Variants in CNKSR1 observed in about 807,000 individuals in gnomAD.
CNKSR1 encodes the protein connector enhancer of kinase suppressor of Ras 1, also known as CNK homolog protein 1.
CNKSR1 carries 88 observed loss-of-function variants against 95.6 expected under a neutral mutation model. The observed-to-expected ratio is 0.92, with a 90% CI of 0.78 to 1.10. The LOEUF (loss-of-function observed/expected upper bound fraction) is 1.10. Among genes scored for constraint, CNKSR1 ranks in the 50% least tolerant of loss-of-function variants. The pLI is 0.00. For missense variants in CNKSR1, 836 were observed against 912.0 expected, an observed-to-expected ratio of 0.92 and a Z score of 1.07; for synonymous variants, 355 against 369.7, an observed-to-expected ratio of 0.96 and a Z score of 0.46.
chr1:26,184,973 T>A (rs1222277716), intron 13 of CNKSR1, 41 bp from the exon 14 acceptor site: 1 of 1,550,206 alleles, frequency 6.5e-7, no homozygotes, highest in Non-Finnish European at 8.7e-7. Flanking sequence ...GGGGGCACCT[T>A]GCCAGCCCCT....
At chr1:26,180,350 T>C in intron 1 of CNKSR1, 103 bp from the exon 2 acceptor site, 1 of 1,418,346 alleles carries the variant, frequency 7.1e-7, no homozygotes, top group Non-Finnish European at 9.9e-7. Flanking sequence ...AGAGTTGTCA[T>C]TAGGGTTAGA....
intron 12 of CNKSR1, 25 bp downstream of exon 12, chr1:26,184,532 G>T (rs368701597): frequency 9.3e-6 from 15 of 1,607,052 alleles, no homozygotes; most frequent in Non-Finnish European, 1.3e-5. Context: ...TTAGCAAGGG[G>T]GTGGGTGGGT....
chr1:26,183,993 C>T (rs1428177033), intron 9 of CNKSR1, 78 bp from the exon 10 acceptor site: 8 of 813,544 alleles, frequency 9.8e-6, no homozygotes, highest in Non-Finnish European at 1.5e-5. Flanking sequence ...CCTGCTCCTG[C>T]TGCTCCCCTA....
rs998539525 is a variant in CNKSR1 at position 26,188,467 on chromosome 1, G to A, written c.1554G>A (p.Glu518=). The stretch of plus-strand genomic sequence containing the variant: ...ACTGCTACAGTGAGACCGAAGCAGA[G>A]GACCCGGACGATGAGGCTGGGTCCC... ...EEDCYSETEA[E]DPDDEAGSHS... is the part of the protein sequence containing the mutation. The change falls in exon 18 of 21, where the codon GAG becomes GAA. Residue 518 remains glutamate, a synonymous_variant. Transcript: ENST00000361530. The A allele has an allele frequency of 6.2e-7, 1 of 1,605,412 alleles. No homozygotes were observed. The highest frequency in any genetic ancestry group is 1.3e-5 in the African/African-American group (1 of 74,802).
At position 26,187,159 on chromosome 1, in the gene CNKSR1, T is replaced by TC; in HGVS notation, c.1309-3dup. On this transcript the variant is annotated splice_polypyrimidine_tract_variant and intron_variant, in intron 14 of 20. Transcript: ENST00000361530. ...TTCCAACCTGACCCTCATGCTGTGA[T>TC]CCCCCCAGGATGAGAAGGCTGAGGG... 6.2e-7 allele frequency: 1 copy of TC among 1,611,412 alleles called. No homozygotes were observed. Among genetic ancestry groups the TC allele is most frequent in the Non-Finnish European group, 8.5e-7 (1 of 1,177,808 alleles).
intron 1 of CNKSR1, among the ~76,000 whole-genome samples, chr1:26,177,991 G>A (rs2088589656): frequency 6.6e-6 from 1 of 151,952 alleles, no homozygotes; most frequent in Admixed American, 6.6e-5. Flanking sequence ...ATAATAAACT[G>A]CGGGCTCTAT....
chr1:26,188,699 T>TG lies in CNKSR1; in HGVS notation c.1690+3dup. On this transcript the variant is annotated splice_region_variant and intron_variant, in intron 19 of 20. Transcript: ENST00000361530. Reference sequence around the variant, plus strand: ...GGACCTCCTTTGGCTCTCTGACAGGTGCTGGGCTGGAGTTGGGAGCTGGGC... The same window carrying TG: ...GGACCTCCTTTGGCTCTCTGACAGGTGGCTGGGCTGGAGTTGGGAGCTGGGC... The TG allele has an allele frequency of 6.2e-7, 1 of 1,613,306 alleles. No individual in the cohort carries two copies.
chr1:26,189,011 T>C, intron 20 of CNKSR1, 58 bp downstream of exon 20: 1 of 1,588,074 alleles, frequency 6.3e-7, no homozygotes, highest in East Asian at 2.3e-5. Context: ...CAGGCTTTGG[T>C]TTGCGGCTGT....
chr1:26,177,679 GAA>G (rs1234823017), intron 1 of CNKSR1, 80 bp downstream of exon 1: 1 of 1,551,848 alleles, frequency 6.4e-7, no homozygotes, highest in East Asian at 2.3e-5. Context: ...AGAGGAAAAG[GAA>G]AAAAAATCTG....
Position 26,189,632 on chromosome 1 carries a change from C to T in CNKSR1, c.*84C>T, listed in dbSNP as rs938793290. The T allele has an allele frequency of 2.5e-6, 2 of 812,482 alleles. No homozygotes were observed. The highest frequency in any genetic ancestry group is 4.5e-6 in the Non-Finnish European group (2 of 447,128). The allele number at this position is 812,482 out of a possible 1,614,324, so 50.3% of individuals were successfully genotyped here. ...CTGACGTGTCCAGGACAGAGCATCC[C>T]TGGATTCTGTTCAGGGTGGGAAGTA... On this transcript the variant is annotated 3_prime_UTR_variant, in exon 21 of 21. Transcript: ENST00000361530.
At chr1:26,185,280 C>A in intron 14 of CNKSR1, 94 bp downstream of exon 14, 1 of 1,352,242 alleles carries the variant, frequency 7.4e-7, no homozygotes, top group Non-Finnish European at 1.0e-6. Flanking sequence ...ATTCCTGGTC[C>A]AAGGCTTTGA....
chr1:26,189,809 A>G lies in CNKSR1; in HGVS notation c.*261A>G. On this transcript the variant is annotated 3_prime_UTR_variant, in exon 21 of 21. Transcript: ENST00000361530. ...CCAGTTCCTTGGCAGTTCTCCCCCA[A>G]ACCAGGTCTGTACAGGTGTTCTTTA... The G allele has an allele frequency of 1.4e-6, 1 of 690,060 alleles. No homozygotes were observed. Among genetic ancestry groups the G allele is most frequent in the East Asian group, 2.7e-5 (1 of 36,600 alleles). 42.7% of individuals were successfully genotyped at this position (690,060 alleles called of 1,614,324 possible). A position where few individuals can be genotyped will look rare whatever the true frequency, so the allele number is the denominator to read the frequency against.
chr1:26,182,670 C>G lies in CNKSR1; in HGVS notation c.624+86C>G, dbSNP rs893397559. ...AATAGGGTCCAGGATCCCACAGAAC[C>G]CTGTGCTGCCATGGCTGGAAAGCCT... On this transcript the variant is annotated intron_variant, in intron 6 of 20. Transcript: ENST00000361530. The G allele has an allele frequency of 8.3e-6, 10 of 1,200,288 alleles. No individual in the cohort carries two copies. In the Admixed American group the frequency reaches 1.8e-4, roughly 21 times the overall value. 74.4% of individuals were successfully genotyped at this position (1,200,288 alleles called of 1,614,324 possible).
intron 1 of CNKSR1, 28 bp from the exon 2 acceptor site, chr1:26,180,425 C>T (rs1321245530): frequency 4.3e-6 from 7 of 1,613,058 alleles, no homozygotes; most frequent in Non-Finnish European, 1.7e-6. Context: ...CCTCTGCTTC[C>T]CCGAGCTGAG....
At chr1:26,187,319 T>C in intron 15 of CNKSR1, 78 bp downstream of exon 15, 1 of 1,588,252 alleles carries the variant, frequency 6.3e-7, no homozygotes, top group Non-Finnish European at 8.6e-7. Flanking sequence ...CAGTGGGAGG[T>C]GTGGCAAGTG....
rs1402718457 is a variant in CNKSR1 at position 26,189,627 on chromosome 1, C to T, written c.*79C>T. The T allele has an allele frequency of 1.2e-6, 1 of 817,418 alleles. No homozygotes were observed. The highest frequency in any genetic ancestry group is 2.2e-6 in the Non-Finnish European group (1 of 451,602). The allele number at this position is 817,418 out of a possible 1,614,324, so 50.6% of individuals were successfully genotyped here. ...AGCTTCTGACGTGTCCAGGACAGAGCATCCCTGGATTCTGTTCAGGGTGGG... is the reference window on the plus strand; with the variant it reads ...AGCTTCTGACGTGTCCAGGACAGAGTATCCCTGGATTCTGTTCAGGGTGGG... On this transcript the variant is annotated 3_prime_UTR_variant, in exon 21 of 21. Transcript: ENST00000361530.
intron 6 of CNKSR1, among the ~76,000 whole-genome samples, chr1:26,182,923 C>T (rs1306009137): frequency 6.6e-6 from 1 of 152,120 alleles, no homozygotes; most frequent in Non-Finnish European, 1.5e-5. Context: ...CCTATCCCTG[C>T]CCTGTCCCTG....
Position 26,183,739 on chromosome 1 carries a change from C to T in CNKSR1, c.764C>T (p.Pro255Leu). The change falls in exon 9 of 21, where the codon CCC (proline) becomes CTC (leucine). Residue 255 changes from proline (P) to leucine (L), a missense_variant. Transcript: ENST00000361530. Reference protein sequence around the residue: ...QINEQVVVGWPRKNMVRELLR... With the variant: ...QINEQVVVGWLRKNMVRELLR... ...GTTTCTGTCCCCCAGGTGGGATGGC[C>T]CCGTAAGAACATGGTGAGGGAACTG... 6.2e-7 allele frequency: 1 copy of T among 1,612,358 alleles called. No individual in the cohort carries two copies. Among genetic ancestry groups the T allele is most frequent in the South Asian group, 1.1e-5 (1 of 91,052 alleles).
In CNKSR1 at chr1:26,186,047, C is replaced by T. The variant is rs138711471; in HGVS notation, c.1308+861C>T. On this transcript the variant is annotated intron_variant, in intron 14 of 20. Coordinates refer to ENST00000361530, the MANE Select transcript of CNKSR1 (RefSeq NM_006314.3). ...TAGGGGAGAGGGATGAATACACACT[C>T]AAGGACAATGTAGGGACCGTGTGCT... Among the ~76,000 whole-genome samples, 40 of 152,258 alleles carry T rather than the reference C, an allele frequency of 2.6e-4. No homozygotes were observed. In the East Asian group the frequency reaches 3.7e-3, roughly 14 times the overall value.
Sources: gnomAD v4.1 joint callset for allele counts (sites outside exome capture counted in the v4.1 genomes callset) on GRCh38, gnomAD v4.1.1 for gene constraint, MANE v1.5 for transcripts, NCBI Gene and HGNC (gene_info 2026-07-23, HGNC 2026-07-21) for gene names.